The following CYTH4 variants were observed in gnomAD, a reference collection of about 807,000 sequenced individuals.
CYTH4 encodes cytohesin 4.
A neutral mutation model predicts 57.5 loss-of-function variants in CYTH4; 22 were observed. That is an observed-to-expected ratio of 0.38 (90% confidence interval 0.27 to 0.55). The LOEUF (loss-of-function observed/expected upper bound fraction) is 0.55, where lower values mean the gene tolerates loss of function less well. CYTH4 is among the 20% of genes least tolerant of loss of function. CYTH4 has a pLI of 0.74. For synonymous variants in CYTH4, 186 were observed against 206.5 expected, an observed-to-expected ratio of 0.90 and a Z score of 0.85; for missense variants, 420 against 535.6, an observed-to-expected ratio of 0.78 and a Z score of 2.13.
In CYTH4 at chr22:37,294,738, G is replaced by A. The variant is rs780010254; in HGVS notation, c.167+14G>A. 1 of 1,613,832 alleles carries A rather than the reference G, an allele frequency of 6.2e-7. No individual in the cohort carries two copies. Among genetic ancestry groups the A allele is most frequent in the Non-Finnish European group, 8.5e-7 (1 of 1,179,776 alleles). On this transcript the variant is annotated intron_variant, in intron 3 of 12. Transcript: ENST00000248901. ...TGCGGAGGAGAGGTGAGGGGCTTGG[G>A]TGGGGACCCCCAGAAACTGCCATGG...
At chr22:37,304,203 G>A (rs569162029) in intron 8 of CYTH4, 20 of 456,674 alleles carry the variant, frequency 4.4e-5, no homozygotes, top group Middle Eastern at 3.3e-4. Context: ...AGGAGAAGCC[G>A]GGAAAGGACA....
rs1192329459 is a variant in CYTH4, at chr22:37,295,281, ACT to A, written c.167+560_167+561del. 1.3e-5 allele frequency among the ~76,000 whole-genome samples: 2 copies of A among 151,114 alleles called. No homozygotes were observed. The highest frequency in any genetic ancestry group is 3.0e-5 in the Non-Finnish European group (2 of 67,786). ...AGTCTCCTAAGGCCCCAGTGCACTGACTCTGACACACGATGTCCTGGCAATTT... is the reference window on the plus strand; with the variant it reads ...AGTCTCCTAAGGCCCCAGTGCACTGACTGACACACGATGTCCTGGCAATTT... On this transcript the variant is annotated intron_variant, in intron 3 of 12. Coordinates refer to ENST00000248901, the MANE Select transcript of CYTH4 (RefSeq NM_013385.5). This position sits in a 1 kb window ranked among gnomAD's most constrained non-coding sequence, Gnocchi z 4.1.
At chr22:37,290,563 T>C (rs1480667491) in intron 1 of CYTH4, among the ~76,000 whole-genome samples, 4 of 152,186 alleles carry the variant, frequency 2.6e-5, no homozygotes, top group Non-Finnish European at 5.9e-5. Context: ...TGGAGTGCAG[T>C]GGCATGATCT....
rs764864921 is a variant in CYTH4, at chr22:37,299,277, C to T, written c.405C>T (p.Phe135=). 1.9e-6 allele frequency: 3 copies of T among 1,610,130 alleles called. No homozygotes were observed. Among genetic ancestry groups the T allele is most frequent in the East Asian group, 4.5e-5 (2 of 44,610 alleles). ...AGGCCTTCGTGGACTGCCACGAGTT[C>T]GCCAACCTCAACCTCGTCCAGGCCC... ...VLQAFVDCHE[F]ANLNLVQALR... is the part of the protein sequence containing the mutation. Residue 135 remains phenylalanine (F), a synonymous_variant, in exon 6 of 13, where the codon TTC becomes TTT. Coordinates refer to ENST00000248901, the MANE Select transcript of CYTH4 (RefSeq NM_013385.5).
intron 7 of CYTH4, among the ~76,000 whole-genome samples, chr22:37,301,268 C>A (rs112611554): frequency 8.5e-5 from 13 of 152,258 alleles, no homozygotes; most frequent in African/African-American, 3.1e-4. Context: ...GGCAGCAGCA[C>A]CCCTTTCTGA....
At position 37,294,743 on chromosome 22, in the gene CYTH4, G is replaced by A. The variant is rs747842335; in HGVS notation, c.167+19G>A. The A allele has an allele frequency of 6.2e-7, 1 of 1,613,718 alleles. No individual in the cohort carries two copies. The highest frequency in any genetic ancestry group is 8.5e-7 in the Non-Finnish European group (1 of 1,179,712). On this transcript the variant is annotated intron_variant, in intron 3 of 12. Transcript: ENST00000248901. The stretch of plus-strand genomic sequence containing the variant: ...AGGAGAGGTGAGGGGCTTGGGTGGG[G>A]ACCCCCAGAAACTGCCATGGTTGCT...
intron 1 of CYTH4, among the ~76,000 whole-genome samples, chr22:37,291,619 C>G: frequency 6.6e-6 from 1 of 152,066 alleles, no homozygotes. Flanking sequence ...CTGGCAGGCT[C>G]TTTTTGGGAA....
chr22:37,287,743 A>C (rs1601696116), intron 1 of CYTH4, among the ~76,000 whole-genome samples: 1 of 152,216 alleles, frequency 6.6e-6, no homozygotes, highest in African/African-American at 2.4e-5. Context: ...AGTTCCCAGC[A>C]CTGCCACTTC....
chr22:37,296,824 G>T (rs982502205), intron 4 of CYTH4, among the ~76,000 whole-genome samples: 1 of 152,116 alleles, frequency 6.6e-6, no homozygotes, highest in Non-Finnish European at 1.5e-5. Context: ...GGTGTCCTCT[G>T]CATCCTCTGC....
chr22:37,309,446 G>T lies in CYTH4; in HGVS notation c.808+123G>T, dbSNP rs532774234. 4.7e-5 allele frequency: 40 copies of T among 858,796 alleles called. No individual in the cohort carries two copies. The South Asian group carries it at 6.3e-4, about 14-fold the overall frequency. The allele number at this position is 858,796 out of a possible 1,614,324, so 53.2% of individuals were successfully genotyped here. On this transcript the variant is annotated intron_variant, in intron 9 of 12. Coordinates refer to ENST00000248901, the MANE Select transcript of CYTH4 (RefSeq NM_013385.5). Reference sequence around the variant, plus strand: ...GACACGAGGCTCACATGCATCCTGGGGGATGGAGTTGGACAGCCCCAGGTC... The same window carrying T: ...GACACGAGGCTCACATGCATCCTGGTGGATGGAGTTGGACAGCCCCAGGTC...
Position 37,303,372 on chromosome 22 carries a change from T to C in CYTH4, c.666T>C (p.Asn222=), listed in dbSNP as rs1929263943. The C allele has an allele frequency of 6.2e-7, 1 of 1,613,996 alleles. No individual in the cohort carries two copies. Among genetic ancestry groups the C allele is most frequent in the Middle Eastern group, 1.6e-4 (1 of 6,062 alleles). The change falls in exon 8 of 13, where the codon AAT becomes AAC. Residue 222 remains asparagine, a synonymous_variant. Transcript: ENST00000248901. ...RFVSMNRGIN[N]GSDLPEDQLR... is the part of the protein sequence containing the mutation. ...TGTCCATGAACCGCGGCATCAACAATGGTAGCGACCTGCCCGAGGACCAGC... is the reference window on the plus strand; with the variant it reads ...TGTCCATGAACCGCGGCATCAACAACGGTAGCGACCTGCCCGAGGACCAGC...
intron 2 of CYTH4, among the ~76,000 whole-genome samples, chr22:37,292,944 C>T (rs1928805794): frequency 6.6e-6 from 1 of 152,154 alleles, no homozygotes; most frequent in African/African-American, 2.4e-5. Flanking sequence ...CCACCGTGTG[C>T]CGATCCTCAT....
intron 1 of CYTH4, among the ~76,000 whole-genome samples, chr22:37,288,478 G>A (rs1159280323): frequency 1.3e-5 from 2 of 152,010 alleles, no homozygotes; most frequent in African/African-American, 4.8e-5. Flanking sequence ...CCCAGCTACT[G>A]GGGAGGCTGA....
chr22:37,308,189 G>T (rs5756604), intron 8 of CYTH4, among the ~76,000 whole-genome samples: 103,696 of 152,164 alleles, frequency 0.68, 36,181 homozygotes, highest in African/African-American at 0.84. Flanking sequence ...GGCTCCTCAG[G>T]GGCCCCTCAA....
intron 2 of CYTH4, among the ~76,000 whole-genome samples, chr22:37,294,379 C>T (rs1263294866): frequency 1.3e-5 from 2 of 151,708 alleles, no homozygotes; most frequent in Non-Finnish European, 2.9e-5. Context: ...AAAGGATGGG[C>T]AAGGGATGGG....
At position 37,296,072 on chromosome 22, in the gene CYTH4, G is replaced by A. The variant is rs757035254; in HGVS notation, c.234+7G>A. ...CAACATGGACCCCGCCAAGGTAGGT[G>A]GCTGTGGAGGGCCCGGGCCACAGGG... On this transcript the variant is annotated splice_region_variant and intron_variant, in intron 4 of 12. Transcript: ENST00000248901. The A allele has an allele frequency of 6.2e-7, 1 of 1,611,488 alleles. No homozygotes were observed. Among genetic ancestry groups the A allele is most frequent in the South Asian group, 1.1e-5 (1 of 90,502 alleles).
At chr22:37,308,746 G>A (rs965451899) in intron 8 of CYTH4, among the ~76,000 whole-genome samples, 5 of 151,606 alleles carry the variant, frequency 3.3e-5, no homozygotes, top group Non-Finnish European at 7.4e-5. Context: ...ATGCATGCAT[G>A]TGTGTGCATG....
rs3213557 is a variant in CYTH4, at chr22:37,282,524, G to A, written c.-46G>A. 801,678 of 1,611,932 alleles carry A rather than the reference G, an allele frequency of 0.5. 206,202 individuals are homozygous for A. Among genetic ancestry groups the A allele is most frequent in the Middle Eastern group, 0.55 (3,311 of 6,032 alleles). ...GGCCAGCCCGAACAGCAGCTGGGTCGGCAAGCGACAGGAGCACGGGTCATC... is the reference window on the plus strand; with the variant it reads ...GGCCAGCCCGAACAGCAGCTGGGTCAGCAAGCGACAGGAGCACGGGTCATC... On this transcript the variant is annotated 5_prime_UTR_variant, in exon 1 of 13. Transcript: ENST00000248901.
intron 9 of CYTH4, among the ~76,000 whole-genome samples, chr22:37,309,786 G>C (rs1929567915): frequency 6.6e-6 from 1 of 152,218 alleles, no homozygotes; most frequent in Non-Finnish European, 1.5e-5. Context: ...AGAGGGTTAG[G>C]TGTCCCTAAA....
Sources: gnomAD v4.1 joint callset for allele counts (sites outside exome capture counted in the v4.1 genomes callset) on GRCh38, gnomAD v4.1.1 for gene constraint, Gnocchi (gnomAD v3.1) non-coding constraint, MANE v1.5 for transcripts, NCBI Gene and HGNC (gene_info 2026-07-23, HGNC 2026-07-21) for gene names.